Variants in HMG20A observed in about 807,000 individuals in gnomAD.
The protein encoded by HMG20A is high mobility group protein 20A.
HMG20A carries 17 observed loss-of-function variants against 43.9 expected under a neutral mutation model. The observed-to-expected ratio is 0.39, with a 90% CI of 0.27 to 0.58. The LOEUF is 0.58. Ranked by LOEUF, HMG20A falls within the 20% of genes least tolerant of loss-of-function variation. The probability of loss-of-function intolerance (pLI) is 0.59; values close to 1 mark genes in which losing one functional copy is unlikely to be tolerated. For synonymous variants in HMG20A, 132 were observed against 147.5 expected (o/e 0.89, Z 0.76); for missense variants, 341 against 438.2 (o/e 0.78, Z 1.98).
chr15:77,431,884 A>G (rs1344991500), intron 1 of HMG20A, among the ~76,000 whole-genome samples: 1 of 151,926 alleles, frequency 6.6e-6, no homozygotes, highest in Non-Finnish European at 1.5e-5. Flanking sequence ...ATCATATGGT[A>G]TTTGTCAGTG....
At chr15:77,485,880 C>T (rs530462035), downstream of HMG20A, among the ~76,000 whole-genome samples, 21 of 152,146 alleles carry the variant, frequency 1.4e-4, no homozygotes, top group Non-Finnish European at 2.9e-4. Flanking sequence ...TGCAGTGAGC[C>T]GAGATCGTGC....
intron 1 of HMG20A, among the ~76,000 whole-genome samples, chr15:77,433,675 C>T (rs1045066330): frequency 1.2e-4 from 19 of 152,098 alleles, no homozygotes; most frequent in African/African-American, 4.6e-4. Flanking sequence ...TTTAAAATGC[C>T]ATTTACAATA....
chr15:77,437,186 AT>A (rs1435930399), intron 1 of HMG20A, among the ~76,000 whole-genome samples: 1 of 152,324 alleles, frequency 6.6e-6, no homozygotes, highest in East Asian at 1.9e-4. Context: ...CCTTCAGAGC[AT>A]TTTAAACAAA....
chr15:77,430,394 T>C (rs2073472173), intron 1 of HMG20A, among the ~76,000 whole-genome samples: 1 of 152,206 alleles, frequency 6.6e-6, no homozygotes, highest in Non-Finnish European at 1.5e-5. Context: ...ATGCTTTTGC[T>C]AAGAACAGGA....
At chr15:77,464,187 C>G in intron 2 of HMG20A, 53 bp from the exon 3 acceptor site, 3 of 1,593,044 alleles carry the variant, frequency 1.9e-6, no homozygotes, top group Non-Finnish European at 2.6e-6. Context: ...TATCTAGAAC[C>G]TTAGTAAATA....
chr15:77,455,560 A>T (rs1279987722), intron 1 of HMG20A, among the ~76,000 whole-genome samples: 1 of 151,996 alleles, frequency 6.6e-6, no homozygotes, highest in Non-Finnish European at 1.5e-5. Flanking sequence ...AGAAGCCTTC[A>T]CTGGATAAGT....
intron 1 of HMG20A, among the ~76,000 whole-genome samples, chr15:77,441,938 C>A (rs1226118984): frequency 1.3e-5 from 2 of 152,076 alleles, no homozygotes; most frequent in Admixed American, 6.5e-5. Context: ...AATAACTTTT[C>A]TTTTTCGTGT....
intron 1 of HMG20A, among the ~76,000 whole-genome samples, chr15:77,451,098 CAT>C (rs1271455928): frequency 6.6e-6 from 1 of 152,184 alleles, no homozygotes; most frequent in African/African-American, 2.4e-5. Flanking sequence ...CTTCATAACT[CAT>C]ATCTTTTTAG....
intron 1 of HMG20A, among the ~76,000 whole-genome samples, chr15:77,424,591 TG>T (rs1255027176): frequency 6.6e-6 from 1 of 152,218 alleles, no homozygotes; most frequent in Non-Finnish European, 1.5e-5. Flanking sequence ...CTGGCTATTG[TG>T]ATTTGCCCAC....
chr15:77,477,124 A>G (rs544993074), intron 6 of HMG20A, among the ~76,000 whole-genome samples: 1 of 152,336 alleles, frequency 6.6e-6, no homozygotes, highest in South Asian at 2.1e-4. Context: ...TCCACTCTGC[A>G]AATTTATATT....
At chr15:77,428,794 G>A (rs2073452724) in intron 1 of HMG20A, among the ~76,000 whole-genome samples, 1 of 151,956 alleles carries the variant, frequency 6.6e-6, no homozygotes, top group Non-Finnish European at 1.5e-5. Flanking sequence ...GTGAGATGCT[G>A]TCTCTACAAA....
chr15:77,471,878 C>T, intron 6 of HMG20A, 64 bp downstream of exon 6: 4 of 890,124 alleles, frequency 4.5e-6, no homozygotes, highest in South Asian at 2.0e-5. Flanking sequence ...TTTTGAAATG[C>T]TATTGGATTT....
chr15:77,455,509 C>A (rs768743943), intron 1 of HMG20A, among the ~76,000 whole-genome samples: 3 of 151,714 alleles, frequency 2.0e-5, no homozygotes, highest in Non-Finnish European at 4.4e-5. Context: ...TCAAAGTGTT[C>A]TAAGTGGCAA....
chr15:77,472,860 T>C (rs2072822721), intron 6 of HMG20A, among the ~76,000 whole-genome samples: 1 of 152,240 alleles, frequency 6.6e-6, no homozygotes. Context: ...GGGCTCACAC[T>C]CTTTGGTTGT....
chr15:77,452,496 A>G (rs181712547), intron 1 of HMG20A, among the ~76,000 whole-genome samples: 1 of 152,338 alleles, frequency 6.6e-6, no homozygotes, highest in Admixed American at 6.5e-5. Context: ...ATAAGAAAGT[A>G]TAATTGGCCA....
At chr15:77,466,520 AT>A (rs1188480955) in intron 3 of HMG20A, among the ~76,000 whole-genome samples, 1 of 152,254 alleles carries the variant, frequency 6.6e-6, no homozygotes, top group East Asian at 1.9e-4. Flanking sequence ...CTGCTATGCT[AT>A]GCTATCTGCT....
At chr15:77,453,283 A>C (rs1426078258) in intron 1 of HMG20A, among the ~76,000 whole-genome samples, 1 of 152,250 alleles carries the variant, frequency 6.6e-6, no homozygotes, top group Non-Finnish European at 1.5e-5. Context: ...TTGAGTAGAC[A>C]GTTCTCCAAA....
chr15:77,499,470 G>A, the HMG20A span, among the ~76,000 whole-genome samples: 4 of 151,892 alleles, frequency 2.6e-5, no homozygotes, highest in East Asian at 1.9e-4. Context: ...AATCCTACAC[G>A]CCTCTCCCCA....
chr15:77,515,843 G>A, the HMG20A span, among the ~76,000 whole-genome samples: 6 of 152,190 alleles, frequency 3.9e-5, no homozygotes, highest in Non-Finnish European at 7.3e-5. Context: ...TGAGACAGAA[G>A]GAGCAAGTGG....
Sources: allele counts gnomAD v4.1 joint callset (sites outside exome capture counted in the v4.1 genomes callset), GRCh38; gene constraint gnomAD v4.1.1; transcripts MANE v1.5; gene names NCBI Gene and HGNC (gene_info 2026-07-23, HGNC 2026-07-21).